Variants in SLC4A9 observed in about 807,000 individuals in gnomAD.
SLC4A9 encodes solute carrier family 4 member 9, also known as anion exchange protein 4.
Under a neutral mutation model 103.2 loss-of-function variants are expected in SLC4A9, and 102 were observed. That is an observed-to-expected ratio of 0.99 (90% CI 0.84 to 1.17). The LOEUF (loss-of-function observed/expected upper bound fraction) is 1.17, where lower values mean the gene tolerates loss of function less well. Ranked by LOEUF, SLC4A9 falls within the 50% of genes most tolerant of loss-of-function variation. The pLI is 0.00. For synonymous variants in SLC4A9, 453 were observed against 483.6 expected, an observed-to-expected ratio of 0.94 and a Z score of 0.83; for missense variants, 1,091 against 1,193.7, an observed-to-expected ratio of 0.91 and a Z score of 1.27.
chr5:140,369,829 C>T (rs1351970033), intron 17 of SLC4A9, among the ~76,000 whole-genome samples: 1 of 151,938 alleles, frequency 6.6e-6, no homozygotes, highest in Non-Finnish European at 1.5e-5. Context: ...TGGCGAAACC[C>T]CGTCTCTACA....
chr5:140,371,702 ACG>A, intron 19 of SLC4A9, 78 bp downstream of exon 19: 1 of 1,504,334 alleles, frequency 6.6e-7, no homozygotes, highest in Non-Finnish European at 9.1e-7. Context: ...CAAGGCCTCC[ACG>A]AGAGGAAGAA....
chr5:140,362,643 A>G lies in SLC4A9; in HGVS notation c.807+111A>G, dbSNP rs971372747. 3.2e-5 allele frequency: 36 copies of G among 1,140,406 alleles called. No homozygotes were observed. In the African/African-American group the frequency reaches 4.9e-4, roughly 15 times the overall value. 70.6% of individuals were successfully genotyped at this position (1,140,406 alleles called of 1,614,324 possible). ...GTGAGTGTGTGTGTGTGGACTCTGT[A>G]TGTGTCCCTAAATACAGCAATGAGG... On this transcript the variant is annotated intron_variant, in intron 6 of 21. Coordinates refer to ENST00000506757, the MANE Select transcript of SLC4A9 (RefSeq NM_031467.3).
intron 12 of SLC4A9, 62 bp from the exon 13 acceptor site, chr5:140,365,772 C>T: frequency 6.4e-7 from 1 of 1,555,060 alleles, no homozygotes; most frequent in Non-Finnish European, 8.7e-7. Context: ...TGAAGTTGGT[C>T]CAGGAGAGCA....
intron 16 of SLC4A9, 74 bp downstream of exon 16, chr5:140,367,972 C>T (rs2126780121): frequency 6.7e-7 from 1 of 1,499,974 alleles, no homozygotes; most frequent in East Asian, 2.3e-5. Flanking sequence ...GGCAGAGTTA[C>T]TTGGGCAGCT....
intron 21 of SLC4A9, 74 bp downstream of exon 21, chr5:140,372,917 T>G: frequency 1.1e-6 from 1 of 873,364 alleles, no homozygotes; most frequent in South Asian, 1.9e-5. Flanking sequence ...CTCTCCAGTG[T>G]GTTGGCCAGC....
rs201884583 is a variant in SLC4A9, at chr5:140,360,453, A to T, written c.217A>T (p.Arg73Ter). The change falls in exon 1 of 22, where the codon AGA becomes TGA. Residue 73 changes from arginine (R) to a stop codon, truncating the protein, a stop_gained. Coordinates refer to ENST00000506757, the MANE Select transcript of SLC4A9 (RefSeq NM_031467.3). LOFTEE classifies it high-confidence loss of function. The stretch of plus-strand genomic sequence containing the variant: ...GGGCTGGCCCCAGGCGCTGGAGTGG[A>T]GAGAGACAGGCAGGTAAGTTGGATG... ...LLGWPQALEW[R>*]ETGRWVLFEE... 32 of 1,579,008 alleles carry T rather than the reference A, an allele frequency of 2.0e-5. No homozygotes were observed. In the African/African-American group the frequency reaches 4.2e-4, roughly 21 times the overall value.
chr5:140,372,349 GAAGGGGCTGGAGCCAGAACACTCATTC>G lies in SLC4A9; in HGVS notation c.2780_2806del (p.Lys927_Phe935del). 3 of 1,609,452 alleles carry G rather than the reference GAAGGGGCTGGAGCCAGAACACTCATTC, an allele frequency of 1.9e-6. No homozygotes were observed. Among genetic ancestry groups the G allele is most frequent in the Non-Finnish European group, 2.5e-6 (3 of 1,178,750 alleles). The stretch of plus-strand genomic sequence containing the variant: ...CAGAGGAGGAGAGAAGCATCCCTGA[GAAGGGGCTGGAGCCAGAACACTCATTC>G]AGTGGAAGTGACAGTGAAGATGTGA... On this transcript the variant is annotated inframe_deletion, in exon 20 of 22. Coordinates refer to ENST00000506757, the MANE Select transcript of SLC4A9 (RefSeq NM_031467.3).
In SLC4A9 at chr5:140,371,557, A is replaced by G; in HGVS notation, c.2603A>G (p.Gln868Arg). The G allele has an allele frequency of 6.2e-7, 1 of 1,614,026 alleles. No homozygotes were observed. The highest frequency in any genetic ancestry group is 8.5e-7 in the Non-Finnish European group (1 of 1,179,898). Residue 868 changes from glutamine to arginine, a missense_variant, in exon 19 of 22, where the codon CAG becomes CGG. Physicochemically the swap from Gln to Arg is conservative, Grantham distance 43 (BLOSUM62 1). Coordinates refer to ENST00000506757, the MANE Select transcript of SLC4A9 (RefSeq NM_031467.3). ...AGGGTCCACCTCTTCACAGCCATCC[A>G]GCTTGCCTGTCTGGGGCTGCTTTGG... is the stretch of plus-strand genomic sequence containing the variant. ...LTRVHLFTAIQLACLGLLWII... is the reference protein window; with the variant it reads ...LTRVHLFTAIRLACLGLLWII...
intron 17 of SLC4A9, 31 bp downstream of exon 17, chr5:140,368,690 T>C (rs771282888): frequency 6.3e-6 from 10 of 1,589,878 alleles, no homozygotes; most frequent in Non-Finnish European, 8.6e-6. Flanking sequence ...AGGATCAGGG[T>C]CAGTGTAGTA....
rs1317263793 is a variant in SLC4A9, at chr5:140,360,322, C to T, written c.86C>T (p.Pro29Leu). 5 of 1,612,178 alleles carry T rather than the reference C, an allele frequency of 3.1e-6. No homozygotes were observed. The highest frequency in any genetic ancestry group is 1.1e-5 in the South Asian group (1 of 90,590). ...NIPSGELDSN[P>L]DPGTGPSPDG... ...CCTTCAGGGGAGCTGGACAGCAACC[C>T]TGACCCTGGCACCGGCCCCAGCCCT... is the stretch of plus-strand genomic sequence containing the variant. Residue 29 changes from proline to leucine, a missense_variant, in exon 1 of 22, where the codon CCT becomes CTT. Transcript: ENST00000506757.
At chr5:140,362,289 C>A in intron 5 of SLC4A9, 115 bp downstream of exon 5, 1 of 1,311,202 alleles carries the variant, frequency 7.6e-7, no homozygotes, top group South Asian at 1.4e-5. Flanking sequence ...GGATGGTGCT[C>A]AGGGGTCTGG....
Position 140,374,611 on chromosome 5 carries a change from T to C in SLC4A9, c.*46-216T>C, listed in dbSNP as rs77794613. ...GCCTCTGACACTTGCAATGGGAAATTTGGGGGACTGGAGACTGGAGAGAGA... is the reference window on the plus strand; with the variant it reads ...GCCTCTGACACTTGCAATGGGAAATCTGGGGGACTGGAGACTGGAGAGAGA... On this transcript the variant is annotated intron_variant, in intron 21 of 21. Transcript: ENST00000506757. Among the ~76,000 whole-genome samples the C allele has an allele frequency of 4.3e-3, 647 of 150,088 alleles. 4 individuals carry two copies. The highest frequency in any genetic ancestry group is 0.015 in the African/African-American group (612 of 40,670).
Position 140,367,727 on chromosome 5 carries a change from C to G in SLC4A9, c.2183C>G (p.Ala728Gly), listed in dbSNP as rs756259981. 1.9e-6 allele frequency: 3 copies of G among 1,613,946 alleles called. No individual in the cohort carries two copies. The highest frequency in any genetic ancestry group is 2.5e-6 in the Non-Finnish European group (3 of 1,179,840). Residue 728 changes from alanine to glycine, a missense_variant, in exon 16 of 22, where the codon GCT becomes GGT. Physicochemically the swap from Ala to Gly is moderately conservative, Grantham distance 60. Transcript: ENST00000506757. ...CCCCACCACTACCTGCAGAAGGGAG[C>G]TGGCTTCCACCTGGACCTCTTCTGT... ...NRMEYRLQKG[A>G]GFHLDLFCVA...
chr5:140,366,947 G>A (rs1219432357), intron 14 of SLC4A9, among the ~76,000 whole-genome samples: 1 of 152,216 alleles, frequency 6.6e-6, no homozygotes, highest in Non-Finnish European at 1.5e-5. Flanking sequence ...CAAGACAGGA[G>A]AGCAGGGAGG....
In SLC4A9 at chr5:140,363,053, T is replaced by C. The variant is rs765268733; in HGVS notation, c.949T>C (p.Ser317Pro). The change falls in exon 7 of 22, where the codon TCT (serine) becomes CCT (proline). Residue 317 changes from serine to proline, a missense_variant. Coordinates refer to ENST00000506757, the MANE Select transcript of SLC4A9 (RefSeq NM_031467.3). The surrounding 1 kb of genome is among the most constrained non-coding windows in gnomAD (Gnocchi z 4.5). ...ARIPPPKCLP[S>P]QHKRLPSQQR... ...GATTCCCCCGCCCAAATGTCTGCCA[T>C]CTCAGCACAAAAGGTACCTGGGAGC... 1 of 1,613,230 alleles carries C rather than the reference T, an allele frequency of 6.2e-7. No homozygotes were observed. Among genetic ancestry groups the C allele is most frequent in the Admixed American group, 1.7e-5 (1 of 59,730 alleles).
At position 140,360,460 on chromosome 5, in the gene SLC4A9, C is replaced by T; in HGVS notation, c.224C>T (p.Thr75Ile). Reference protein sequence around the residue: ...GWPQALEWRETGRWVLFEEKL... With the variant: ...GWPQALEWREIGRWVLFEEKL... ...CCCCAGGCGCTGGAGTGGAGAGAGA[C>T]AGGCAGGTAAGTTGGATGCAGGCCA... Residue 75 changes from threonine to isoleucine, a missense_variant, in exon 1 of 22, where the codon ACA (threonine) becomes ATA (isoleucine). By Grantham distance (89) the Thr-to-Ile change is moderately conservative. Transcript: ENST00000506757. 6.4e-7 allele frequency: 1 copy of T among 1,573,446 alleles called. No homozygotes were observed. The highest frequency in any genetic ancestry group is 1.4e-5 in the African/African-American group (1 of 73,988).
chr5:140,366,763 C>T (rs1439946146), intron 14 of SLC4A9, among the ~76,000 whole-genome samples: 3 of 152,124 alleles, frequency 2.0e-5, no homozygotes, highest in South Asian at 2.1e-4. Context: ...CCACCCTTGG[C>T]GTGGCCCTGC....
chr5:140,371,357 C>T (rs1768695410), intron 18 of SLC4A9, 94 bp from the exon 19 acceptor site: 3 of 1,518,548 alleles, frequency 2.0e-6, no homozygotes, highest in South Asian at 2.4e-5. Context: ...ATGCTCTCTG[C>T]CTGCTCCCAG....
intron 20 of SLC4A9, 66 bp from the exon 21 acceptor site, chr5:140,372,679 T>C (rs1768891418): frequency 1.2e-5 from 17 of 1,473,816 alleles, no homozygotes; most frequent in Middle Eastern, 3.5e-4. Flanking sequence ...GGTTTACCTC[T>C]ATGTTGTCTT....
Sources: gnomAD v4.1 joint callset for allele counts (sites outside exome capture counted in the v4.1 genomes callset) on GRCh38, gnomAD v4.1.1 for gene constraint, Gnocchi (gnomAD v3.1) non-coding constraint, MANE v1.5 for transcripts, NCBI Gene and HGNC (gene_info 2026-07-23, HGNC 2026-07-21) for gene names.